Variants in NEK5 observed in about 807,000 individuals in gnomAD.
NEK5 encodes the protein NIMA related kinase 5.
A neutral mutation model predicts 109.2 loss-of-function variants in NEK5; 88 were observed. That is an observed-to-expected ratio of 0.81 (90% CI 0.68 to 0.96). The LOEUF is 0.96. Among genes scored for constraint, NEK5 ranks in the 40% least tolerant of loss-of-function variants. NEK5 has a pLI of 0.00. For missense variants in NEK5, 834 were observed against 920.7 expected (o/e 0.91, Z 1.22); for synonymous variants, 283 against 299.9 (o/e 0.94, Z 0.58).
At chr13:52,063,248 C>T (rs1339074968) in intron 21 of NEK5, among the ~76,000 whole-genome samples, 1 of 152,240 alleles carries the variant, frequency 6.6e-6, no homozygotes, top group Non-Finnish European at 1.5e-5. Context: ...GGTTTTCGTA[C>T]TTTTTTGGTG....
chr13:52,099,683 A>G, intron 12 of NEK5, 60 bp downstream of exon 12: 1 of 1,568,394 alleles, frequency 6.4e-7, no homozygotes, highest in Non-Finnish European at 8.7e-7. Context: ...CAAACAAACA[A>G]ACAAACAAAA....
chr13:52,092,688 T>A (rs1209864684), intron 13 of NEK5, among the ~76,000 whole-genome samples: 4 of 151,942 alleles, frequency 2.6e-5, no homozygotes, highest in Non-Finnish European at 5.9e-5. Context: ...GAGTTCAAGA[T>A]CAGGTTGGCC....
At chr13:52,127,162 G>A (rs528968256) in intron 3 of NEK5, among the ~76,000 whole-genome samples, 2 of 152,284 alleles carry the variant, frequency 1.3e-5, no homozygotes, top group Admixed American at 6.5e-5. Context: ...GGGATTACAG[G>A]GGTGAGCCAG....
rs80309351 is a variant in NEK5 at position 52,051,508 on chromosome 13, G to A, written c.2111-1287C>T. Among the ~76,000 whole-genome samples, 609 of 152,260 alleles carry A rather than the reference G, an allele frequency of 4.0e-3. 3 individuals are homozygous for A. Among genetic ancestry groups the A allele is most frequent in the African/African-American group, 0.013 (550 of 41,538 alleles). On this transcript the variant is annotated intron_variant, in intron 22 of 23. Coordinates refer to ENST00000684899, the MANE Select transcript of NEK5 (RefSeq NM_001365552.1). ...TTCCTCTCAGATCTAAAGCTCTACT[G>A]TCTTTTGCAGTAAGTTACTTGATCA...
chr13:52,059,625 T>TA (rs1191694244), intron 22 of NEK5, among the ~76,000 whole-genome samples: 1 of 152,022 alleles, frequency 6.6e-6, no homozygotes, highest in Non-Finnish European at 1.5e-5. Flanking sequence ...TATGCACCCA[T>TA]AAAAAATGAT....
chr13:52,127,426 G>A lies in NEK5; in HGVS notation c.57C>T (p.Tyr19=), dbSNP rs1402594562. Reference sequence around the variant, plus strand: ...TGCTATCTGATTTCCCTTTAGCTAAGTATGCTTTCCCGAAGGCACCTTGCC... The same window carrying A: ...TGCTATCTGATTTCCCTTTAGCTAAATATGCTTTCCCGAAGGCACCTTGCC... ...AIGQGAFGKA[Y]LAKGKSDSKH... Residue 19 remains tyrosine (Y), a synonymous_variant, in exon 3 of 24, where the codon TAC becomes TAT. Coordinates refer to ENST00000684899, the MANE Select transcript of NEK5 (RefSeq NM_001365552.1). 1.2e-6 allele frequency: 2 copies of A among 1,613,312 alleles called. No individual in the cohort carries two copies. The highest frequency in any genetic ancestry group is 1.7e-6 in the Non-Finnish European group (2 of 1,179,310).
chr13:52,088,741 G>T (rs979673808), intron 14 of NEK5, among the ~76,000 whole-genome samples: 1 of 151,994 alleles, frequency 6.6e-6, no homozygotes, highest in Non-Finnish European at 1.5e-5. Flanking sequence ...GGAAGAAACC[G>T]GACTGCTAAG....
intron 23 of NEK5, among the ~76,000 whole-genome samples, chr13:52,043,287 C>A (rs1278141203): frequency 1.3e-5 from 2 of 151,274 alleles, no homozygotes; most frequent in African/African-American, 4.9e-5. Context: ...GCCTGTAATC[C>A]CAGCACTTTG....
intron 9 of NEK5, among the ~76,000 whole-genome samples, chr13:52,103,845 G>A (rs1955592684): frequency 6.6e-6 from 1 of 152,158 alleles, no homozygotes; most frequent in Non-Finnish European, 1.5e-5. Flanking sequence ...TGGAGGATTT[G>A]GCACATCCCA....
At chr13:52,043,423 G>A (rs1954430410) in intron 23 of NEK5, among the ~76,000 whole-genome samples, 1 of 151,338 alleles carries the variant, frequency 6.6e-6, no homozygotes, top group East Asian at 1.9e-4. Context: ...TGTAATCCCA[G>A]CTACTCGGGA....
At chr13:52,101,761 T>G (rs1401832109) in intron 11 of NEK5, among the ~76,000 whole-genome samples, 172 bp downstream of exon 11, 1 of 152,138 alleles carries the variant, frequency 6.6e-6, no homozygotes, top group African/African-American at 2.4e-5. Flanking sequence ...ATATACAACT[T>G]TCAGGCACAC....
intron 6 of NEK5, 29 bp downstream of exon 6, chr13:52,110,465 C>A: frequency 6.3e-7 from 1 of 1,594,228 alleles, no homozygotes; most frequent in Non-Finnish European, 8.6e-7. Context: ...AAGATCAGTT[C>A]TGTCTTAGTC....
chr13:52,117,749 A>G (rs1023338776), intron 4 of NEK5, among the ~76,000 whole-genome samples: 1 of 152,220 alleles, frequency 6.6e-6, no homozygotes, highest in African/African-American at 2.4e-5. Flanking sequence ...TATGAAACAA[A>G]TTCATAATTA....
intron 23 of NEK5, among the ~76,000 whole-genome samples, chr13:52,043,607 A>G (rs1182251536): frequency 1.3e-5 from 2 of 152,156 alleles, no homozygotes; most frequent in East Asian, 3.8e-4. Flanking sequence ...CATTAGTCAG[A>G]AATTTCCAAC....
chr13:52,057,925 C>T (rs1048211013), intron 22 of NEK5, among the ~76,000 whole-genome samples: 1 of 151,810 alleles, frequency 6.6e-6, no homozygotes, highest in African/African-American at 2.4e-5. Context: ...CACTCCTATT[C>T]AACATAGTGT....
chr13:52,108,205 C>A (rs1375102037), intron 8 of NEK5, 113 bp downstream of exon 8: 1 of 680,380 alleles, frequency 1.5e-6, no homozygotes, highest in Admixed American at 2.7e-5. Flanking sequence ...AATGAAATTA[C>A]AAAAGTACCA....
chr13:52,043,476 G>A (rs1397253979), intron 23 of NEK5, among the ~76,000 whole-genome samples: 1 of 148,962 alleles, frequency 6.7e-6, no homozygotes, highest in Non-Finnish European at 1.5e-5. Context: ...GGCAGAGGTT[G>A]CAGTGAGCCG....
chr13:52,084,760 AGAGTGTGTGTGTGTGTGTGTGTGTGT>A (rs1276472218), intron 16 of NEK5, among the ~76,000 whole-genome samples: 439 of 36,614 alleles, frequency 0.012, no homozygotes, highest in Middle Eastern at 0.037. Context: ...AGAGAGAGAG[AGAGTGTGTGTGTGTGTGTGTGTGTGT>A]GTGTGTGTGT....
At chr13:52,066,572 G>A (rs1200210470) in intron 20 of NEK5, among the ~76,000 whole-genome samples, 6 of 152,082 alleles carry the variant, frequency 3.9e-5, no homozygotes, top group South Asian at 2.1e-4. Flanking sequence ...TTGGGAGGCC[G>A]AGGCGGGCGG....
Sources: gnomAD v4.1 joint callset for allele counts (sites outside exome capture counted in the v4.1 genomes callset) on GRCh38, gnomAD v4.1.1 for gene constraint, MANE v1.5 for transcripts, NCBI Gene and HGNC (gene_info 2026-07-23, HGNC 2026-07-21) for gene names.